Variants in C4orf50 observed in about 807,000 individuals in gnomAD.
The protein encoded by C4orf50 is uncharacterized protein C4orf50.
A neutral mutation model predicts 77.2 loss-of-function variants in C4orf50; 80 were observed. The observed-to-expected ratio is 1.04, with a 90% confidence interval of 0.87 to 1.25. C4orf50 has a LOEUF of 1.25. Ranked by LOEUF, C4orf50 falls within the 50% of genes most tolerant of loss-of-function variation. The pLI is 0.00. For synonymous variants in C4orf50, 532 were observed against 465.3 expected (o/e 1.14, Z -1.84); for missense variants, 1,257 against 1,152.9 (o/e 1.09, Z -1.31).
At position 6,015,170 on chromosome 4, in the gene C4orf50, G is replaced by A. The variant is rs1362127909; in HGVS notation, c.287+2975C>T. 6.6e-6 allele frequency among the ~76,000 whole-genome samples: 1 copy of A among 152,206 alleles called. No homozygotes were observed. The highest frequency in any genetic ancestry group is 1.9e-4 in the East Asian group (1 of 5,186). Reference sequence around the variant, plus strand: ...TGGGCTCAACACATCCCTGCATCCTGTGTTGAAGGCCTAACCCCCAAGTTC... The same window carrying A: ...TGGGCTCAACACATCCCTGCATCCTATGTTGAAGGCCTAACCCCCAAGTTC... On this transcript the variant is annotated intron_variant, in intron 23 of 33. Transcript: ENST00000531445. The surrounding 1 kb of genome is among the most constrained non-coding windows in gnomAD (Gnocchi z 4.4).
At position 5,934,920 on chromosome 4, in the gene C4orf50, C is replaced by T. The variant is rs1172176596; in HGVS notation, c.*2474+21981G>A. ...TAAACTGCCTGGGTTCAAATCCCAG[C>T]TCCCTACACTTCTGGCTGGGTGACC... On this transcript the variant is annotated intron_variant, in intron 7 of 7. Transcript: ENST00000324058. Among the ~76,000 whole-genome samples, 5 of 152,204 alleles carry T rather than the reference C, an allele frequency of 3.3e-5. No homozygotes were observed. The East Asian group carries it at 9.7e-4, about 29-fold the overall frequency.
At chr4:5,913,945 A>G (rs1376017559) in intron 7 of C4orf50, among the ~76,000 whole-genome samples, 1 of 152,236 alleles carries the variant, frequency 6.6e-6, no homozygotes, top group Non-Finnish European at 1.5e-5. Flanking sequence ...AAAGATTTAT[A>G]GACAATGATA....
At chr4:5,988,739 C>T (rs1721036600) in exon 28 of C4orf50, 2 of 1,536,152 alleles carry the variant, frequency 1.3e-6, no homozygotes, top group African/African-American at 1.4e-5. Context: ...TGCAAGGTGA[C>T]TTCCCTCTCC....
At chr4:6,004,807 T>A (rs577752308) in intron 25 of C4orf50, among the ~76,000 whole-genome samples, 2 of 151,226 alleles carry the variant, frequency 1.3e-5, no homozygotes, top group African/African-American at 4.9e-5. Flanking sequence ...GTGATGGTGA[T>A]GTTGGTGATG....
exon 26 of C4orf50, chr4:5,994,443 G>A (rs981953860): frequency 1.0e-5 from 4 of 399,106 alleles, no homozygotes; most frequent in Non-Finnish European, 1.8e-5. Context: ...CTGGGCAGGG[G>A]CAGTGAGTCA....
intron 7 of C4orf50, among the ~76,000 whole-genome samples, chr4:5,921,711 A>T (rs993538006): frequency 3.3e-5 from 5 of 152,116 alleles, no homozygotes; most frequent in African/African-American, 1.2e-4. Flanking sequence ...CTTCCATGCA[A>T]AGGTAGAGAG....
At chr4:6,004,060 A>ATGGTGATGATGG (rs1722034752) in intron 25 of C4orf50, among the ~76,000 whole-genome samples, 1 of 97,954 alleles carries the variant, frequency 1.0e-5, no homozygotes, top group African/African-American at 4.0e-5. Flanking sequence ...GATGATGGTG[A>ATGGTGATGATGG]TGATGGTGAT....
At chr4:6,013,879 C>A (rs1479650382) in intron 23 of C4orf50, among the ~76,000 whole-genome samples, 1 of 152,048 alleles carries the variant, frequency 6.6e-6, no homozygotes, top group East Asian at 1.9e-4. Flanking sequence ...CTTGTGGTGA[C>A]GTGTTACAGC....
At chr4:5,999,604 G>A (rs1319611904) in intron 25 of C4orf50, among the ~76,000 whole-genome samples, 1 of 152,162 alleles carries the variant, frequency 6.6e-6, no homozygotes, top group African/African-American at 2.4e-5. Flanking sequence ...CTTCACCGAT[G>A]CCTCAAGGCA....
chr4:5,939,018 G>A (rs1262749436), intron 7 of C4orf50, among the ~76,000 whole-genome samples: 1 of 152,136 alleles, frequency 6.6e-6, no homozygotes, highest in Admixed American at 6.5e-5. Context: ...AAGGCAGGGG[G>A]ATCACCCGAG....
At chr4:5,965,510 T>C (rs1046081177) in intron 32 of C4orf50, among the ~76,000 whole-genome samples, 2 of 152,128 alleles carry the variant, frequency 1.3e-5, no homozygotes, top group Non-Finnish European at 2.9e-5. Flanking sequence ...CCTCCAGAAA[T>C]GTCCAACAAA....
intron 31 of C4orf50, among the ~76,000 whole-genome samples, chr4:5,968,663 C>T (rs7673825): frequency 0.041 from 6,177 of 152,258 alleles, 374 homozygotes; most frequent in African/African-American, 0.13. Context: ...CTGAGTGCTT[C>T]CTACTCCAGA....
chr4:5,997,860 G>A (rs1481959254), intron 25 of C4orf50, among the ~76,000 whole-genome samples: 1 of 152,206 alleles, frequency 6.6e-6, no homozygotes, highest in Non-Finnish European at 1.5e-5. Flanking sequence ...CTTCTGCAGT[G>A]TGGTTTTTAT....
chr4:5,945,444 G>A (rs60609637), intron 7 of C4orf50, among the ~76,000 whole-genome samples: 4,475 of 152,268 alleles, frequency 0.029, 204 homozygotes, highest in African/African-American at 0.1. Flanking sequence ...GCCAGCACCC[G>A]GGAGAGGGGA....
chr4:6,016,342 C>T (rs747014928), intron 23 of C4orf50, among the ~76,000 whole-genome samples: 9 of 152,098 alleles, frequency 5.9e-5, no homozygotes, highest in Non-Finnish European at 1.3e-4. Context: ...TGAGGTCAGA[C>T]GTTCGAGACC....
chr4:5,989,123 G>T (rs774826578), exon 28 of C4orf50: 84 of 1,535,954 alleles, frequency 5.5e-5, no homozygotes, highest in Non-Finnish European at 7.1e-5. Flanking sequence ...TCCCGCTCGA[G>T]CCTGGATATT....
chr4:5,914,273 C>A (rs4689295), intron 7 of C4orf50, among the ~76,000 whole-genome samples: 7 of 143,906 alleles, frequency 4.9e-5, no homozygotes, highest in Non-Finnish European at 9.0e-5. Flanking sequence ...GGCGCAATCT[C>A]GGCTCACTGC....
At chr4:5,939,733 G>A (rs985257054) in intron 7 of C4orf50, among the ~76,000 whole-genome samples, 1 of 152,094 alleles carries the variant, frequency 6.6e-6, no homozygotes, top group Admixed American at 6.5e-5. Flanking sequence ...TCATTGCACT[G>A]AACCAGGCCT....
downstream of C4orf50, among the ~76,000 whole-genome samples, chr4:5,952,293 G>A (rs892808047): frequency 1.3e-5 from 2 of 152,316 alleles, no homozygotes; most frequent in East Asian, 1.9e-4. This position sits in a 1 kb window ranked among gnomAD's most constrained non-coding sequence, Gnocchi z 4.4. Flanking sequence ...ATAAGAAGAG[G>A]AGGAGGAGAG....
Sources: allele counts gnomAD v4.1 joint callset (sites outside exome capture counted in the v4.1 genomes callset), GRCh38; gene constraint gnomAD v4.1.1; non-coding constraint Gnocchi (gnomAD v3.1); transcripts MANE v1.5; gene names NCBI Gene and HGNC (gene_info 2026-07-23, HGNC 2026-07-21).